The following N4BP2 variants were observed in gnomAD, a reference collection of about 807,000 sequenced individuals.
N4BP2 encodes the protein NEDD4 binding protein 2.
Under a neutral mutation model 152.8 loss-of-function variants are expected in N4BP2, and 91 were observed. The observed-to-expected ratio is 0.60, with a 90% CI of 0.50 to 0.71. N4BP2 has a LOEUF of 0.71. N4BP2 is among the 30% of genes least tolerant of loss of function. The pLI is 0.00. For missense variants in N4BP2, 1,923 were observed against 2,059.1 expected, an observed-to-expected ratio of 0.93 and a Z score of 1.28; for synonymous variants, 646 against 705.3, an observed-to-expected ratio of 0.92 and a Z score of 1.33.
In N4BP2 at chr4:40,123,126, G is replaced by A. The variant is rs772874900; in HGVS notation, c.4199-1G>A. ...TTCTTCCCTCCCCCTTCCCCCACAA[G>A]GGTCTCTAACAGTTGAAGATTGTGT... On this transcript the variant is annotated splice_acceptor_variant, in intron 9 of 17. Transcript: ENST00000261435. LOFTEE classifies it high-confidence loss of function. 1 of 1,593,124 alleles carries A rather than the reference G, an allele frequency of 6.3e-7. No individual in the cohort carries two copies. Among genetic ancestry groups the A allele is most frequent in the Non-Finnish European group, 8.6e-7 (1 of 1,166,012 alleles).
chr4:40,172,074 T>C, the N4BP2 span, among the ~76,000 whole-genome samples: 70 of 152,168 alleles, frequency 4.6e-4, no homozygotes, highest in South Asian at 0.014. Flanking sequence ...ACCTGGCTAA[T>C]TTTTTGTATT....
At chr4:40,090,090 T>C (rs1319376457) in intron 2 of N4BP2, among the ~76,000 whole-genome samples, 2 of 152,336 alleles carry the variant, frequency 1.3e-5, no homozygotes, top group Admixed American at 6.5e-5. Flanking sequence ...GGCACACTTA[T>C]GTTGCTGGGT....
At chr4:40,080,757 A>T (rs1336926808) in intron 2 of N4BP2, among the ~76,000 whole-genome samples, 2 of 150,962 alleles carry the variant, frequency 1.3e-5, no homozygotes, top group Non-Finnish European at 2.9e-5. Flanking sequence ...TCCTGGGTTC[A>T]CGCCATTCTG....
Position 40,072,075 on chromosome 4 carries a change from AT to A in N4BP2, c.-211-1370del, listed in dbSNP as rs1186172909. 2.3e-4 allele frequency among the ~76,000 whole-genome samples: 32 copies of A among 138,640 alleles called. No homozygotes were observed. The South Asian group carries it at 5.5e-3, about 24-fold the overall frequency. The allele number at this position is 138,640 out of a possible 152,430, so 91.0% of individuals were successfully genotyped here. ...AAGCATTTGCCACTATGCCTGGCTA[AT>A]TTTTTTTTTCTTTTTTGAGATGGAG... On this transcript the variant is annotated intron_variant, in intron 1 of 17. Coordinates refer to ENST00000261435, the MANE Select transcript of N4BP2 (RefSeq NM_018177.6).
In N4BP2 at chr4:40,131,788, G is replaced by A. The variant is rs1718926519; in HGVS notation, c.4528-13G>A. On this transcript the variant is annotated splice_polypyrimidine_tract_variant and intron_variant, in intron 12 of 17. Transcript: ENST00000261435. ...ATTTCATCTTGAACATGATTTTTAT[G>A]TTTTTGTTTTAGAAAAGGGAGACCC... 3 of 1,575,384 alleles carry A rather than the reference G, an allele frequency of 1.9e-6. No homozygotes were observed. Among genetic ancestry groups the A allele is most frequent in the Non-Finnish European group, 2.6e-6 (3 of 1,147,234 alleles).
chr4:40,166,096 C>T, the N4BP2 span, among the ~76,000 whole-genome samples: 1 of 152,238 alleles, frequency 6.6e-6, no homozygotes, highest in African/African-American at 2.4e-5. Context: ...GTTTTATCTA[C>T]ACAATAAGAC....
chr4:40,146,189 A>T (rs945780138), intron 16 of N4BP2, among the ~76,000 whole-genome samples: 3 of 151,224 alleles, frequency 2.0e-5, no homozygotes, highest in African/African-American at 7.3e-5. Flanking sequence ...ATAAATAAAT[A>T]AAATAAAATA....
chr4:40,118,575 A>G (rs945780707), intron 8 of N4BP2, among the ~76,000 whole-genome samples: 14 of 152,212 alleles, frequency 9.2e-5, no homozygotes, highest in African/African-American at 3.4e-4. Context: ...TATTGTCCTC[A>G]GAGTTTTGTG....
chr4:40,128,526 C>T (rs1718627439), intron 12 of N4BP2, among the ~76,000 whole-genome samples: 2 of 144,332 alleles, frequency 1.4e-5, no homozygotes, highest in South Asian at 2.4e-4. Flanking sequence ...AATGAATTTT[C>T]TTTCTTCTTT....
chr4:40,082,695 G>T (rs932411954), intron 2 of N4BP2, among the ~76,000 whole-genome samples: 1 of 151,822 alleles, frequency 6.6e-6, no homozygotes, highest in African/African-American at 2.4e-5. Flanking sequence ...CTTAACCACA[G>T]GCTGTATTCT....
At chr4:40,116,406 A>AT (rs1225852961) in intron 7 of N4BP2, among the ~76,000 whole-genome samples, 1 of 151,798 alleles carries the variant, frequency 6.6e-6, no homozygotes. Flanking sequence ...ATGTAGTTGG[A>AT]TTTTTTTCCT....
chr4:40,162,415 T>TGCCACTGCACTCCA (rs1287543389), downstream of N4BP2, among the ~76,000 whole-genome samples: 1 of 152,006 alleles, frequency 6.6e-6, no homozygotes, highest in Non-Finnish European at 1.5e-5. Context: ...GCCAAGATAG[T>TGCCACTGCACTCCA]GCCACTGCAC....
chr4:40,087,530 A>AT (rs762609443), intron 2 of N4BP2, among the ~76,000 whole-genome samples: 4 of 151,312 alleles, frequency 2.6e-5, no homozygotes, highest in Non-Finnish European at 4.4e-5. Context: ...AACCCAGCTA[A>AT]TTTTTTGTAT....
downstream of N4BP2, among the ~76,000 whole-genome samples, chr4:40,160,087 T>A (rs1721816029): frequency 6.6e-6 from 1 of 152,170 alleles, no homozygotes; most frequent in Non-Finnish European, 1.5e-5. Flanking sequence ...CCCAAAGTGC[T>A]GGGATTACAG....
rs550350581 is a variant in N4BP2 at position 40,063,138 on chromosome 4, G to A, written c.-212+6108G>A. On this transcript the variant is annotated intron_variant, in intron 1 of 17. Transcript: ENST00000261435. ...AGCCTGAATGAAAAAATCCTTTGAT[G>A]TCTAATTTTTATCAATTTGGTTTCT... Among the ~76,000 whole-genome samples, 7 of 152,280 alleles carry A rather than the reference G, an allele frequency of 4.6e-5. No homozygotes were observed. The South Asian group carries it at 1.2e-3, about 27-fold the overall frequency.
intron 7 of N4BP2, among the ~76,000 whole-genome samples, chr4:40,115,560 T>G (rs779134474): frequency 1.3e-5 from 2 of 152,212 alleles, no homozygotes; most frequent in African/African-American, 2.4e-5. Context: ...ATATAATACT[T>G]TATTTTTGTC....
chr4:40,097,701 C>T, intron 3 of N4BP2, 132 bp downstream of exon 3: 1 of 631,708 alleles, frequency 1.6e-6, no homozygotes, highest in Admixed American at 2.9e-5. Flanking sequence ...CTGCTGTTGG[C>T]AAGTTACTAA....
chr4:40,081,004 A>G (rs768347815), intron 2 of N4BP2, among the ~76,000 whole-genome samples: 63 of 151,626 alleles, frequency 4.2e-4, no homozygotes, highest in Admixed American at 2.0e-4. Flanking sequence ...TTTGGACACT[A>G]AAACTGCCTA....
At chr4:40,066,821 T>G (rs1711569464) in intron 1 of N4BP2, among the ~76,000 whole-genome samples, 2 of 152,314 alleles carry the variant, frequency 1.3e-5, no homozygotes, top group South Asian at 4.1e-4. Context: ...GCAGTTTTTT[T>G]CATCTTGCCA....
Sources: allele counts gnomAD v4.1 joint callset (sites outside exome capture counted in the v4.1 genomes callset), GRCh38; gene constraint gnomAD v4.1.1; transcripts MANE v1.5; gene names NCBI Gene and HGNC (gene_info 2026-07-23, HGNC 2026-07-21).